FAM151A: variants seen among roughly 807,000 people sequenced by gnomAD.
FAM151A encodes protein FAM151A.
A neutral mutation model predicts 40.4 loss-of-function variants in FAM151A; 41 were observed. The ratio of observed to expected loss-of-function variants is 1.01; its 90% CI spans 0.79 to 1.32. FAM151A has a LOEUF of 1.32. Ranked by LOEUF, FAM151A falls within the 40% of genes most tolerant of loss-of-function variation. The pLI is 0.00. For missense variants in FAM151A, 740 were observed against 740.4 expected (o/e 1.00, Z 0.01); for synonymous variants, 337 against 312.5 (o/e 1.08, Z -0.83).
At position 54,609,470 on chromosome 1, in the gene FAM151A, T is replaced by A; in HGVS notation, c.1556A>T (p.His519Leu). Residue 519 changes from histidine (H) to leucine (L), a missense_variant, in exon 8 of 8, where the codon CAC becomes CTC. Transcript: ENST00000302250. ...CCTGCCTATGGCTCCAGCTGTGCTGTGGCCCAGCAGCATGGCCTGCATCTG... is the reference window on the plus strand; with the variant it reads ...CCTGCCTATGGCTCCAGCTGTGCTGAGGCCCAGCAGCATGGCCTGCATCTG... ...SFQMQAMLLG[H>L]STAGAIGRLL... 6.2e-7 allele frequency: 1 copy of A among 1,613,548 alleles called. No individual in the cohort carries two copies. Among genetic ancestry groups the A allele is most frequent in the Non-Finnish European group, 8.5e-7 (1 of 1,180,020 alleles).
chr1:54,618,902 C>T (rs77171949), intron 2 of FAM151A, among the ~76,000 whole-genome samples: 1,804 of 152,306 alleles, frequency 0.012, 11 homozygotes, highest in Middle Eastern at 0.024. Context: ...CCTGGTTAGG[C>T]ATTCACTAAG....
Position 54,620,003 on chromosome 1 carries a change from A to G in FAM151A, c.123T>C (p.Cys41=), listed in dbSNP as rs142765170. ...VLAITLRRPG[C]ELEACSPDAD... Reference sequence around the variant, plus strand: ...CATCAGGGCTGCAGGCCTCCAGCTCACAGCCTGGAAGGAATCCCAAGGGGC... The same window carrying G: ...CATCAGGGCTGCAGGCCTCCAGCTCGCAGCCTGGAAGGAATCCCAAGGGGC... Residue 41 remains cysteine (C), a synonymous_variant, in exon 2 of 8, where the codon TGT becomes TGC. Transcript: ENST00000302250. The G allele has an allele frequency of 8.6e-4, 1,382 of 1,610,650 alleles. 13 individuals carry two copies. In the African/African-American group the frequency reaches 0.016, roughly 19 times the overall value.
At chr1:54,622,090 A>G (rs1258840479) in intron 1 of FAM151A, among the ~76,000 whole-genome samples, 1 of 151,670 alleles carries the variant, frequency 6.6e-6, no homozygotes. Flanking sequence ...CCTGGCCAAC[A>G]TGGTGAAACC....
chr1:54,617,585 G>T (rs528265109), intron 2 of FAM151A, among the ~76,000 whole-genome samples: 3 of 151,132 alleles, frequency 2.0e-5, no homozygotes, highest in Admixed American at 6.6e-5. Flanking sequence ...TTCATCTCAC[G>T]TTCCACTCTC....
chr1:54,617,330 C>CT (rs1644183179), intron 2 of FAM151A, among the ~76,000 whole-genome samples: 1 of 152,060 alleles, frequency 6.6e-6, no homozygotes, highest in South Asian at 2.1e-4. Context: ...CAGAAGGGGC[C>CT]TTTTCTCCTG....
rs774030120 is a variant in FAM151A, at chr1:54,619,991, G to A, written c.135C>T (p.Ala45=). 7 of 1,613,468 alleles carry A rather than the reference G, an allele frequency of 4.3e-6. No homozygotes were observed. In the Admixed American group the frequency reaches 1.0e-4, roughly 23 times the overall value. The change falls in exon 2 of 8, where the codon GCC becomes GCT. Residue 45 remains alanine (A), a synonymous_variant. Coordinates refer to ENST00000302250, the MANE Select transcript of FAM151A (RefSeq NM_176782.3). ...TLRRPGCELE[A]CSPDADMLDY... ...CCAGCATGTCGGCATCAGGGCTGCA[G>A]GCCTCCAGCTCACAGCCTGGAAGGA...
intron 4 of FAM151A, 21 bp from the exon 5 acceptor site, chr1:54,612,731 T>C (rs1400578353): frequency 6.3e-7 from 1 of 1,599,908 alleles, no homozygotes; most frequent in Admixed American, 1.7e-5. Flanking sequence ...ATCAGAGATG[T>C]TGGTCTCACG....
chr1:54,610,275 CTGCCCCACCT>C (rs2101012994), intron 7 of FAM151A, 127 bp downstream of exon 7: 1 of 1,502,060 alleles, frequency 6.7e-7, no homozygotes, highest in Admixed American at 2.2e-5. Context: ...CCCCGCAACC[CTGCCCCACCT>C]TGCATCCAGG....
chr1:54,609,674 C>G lies in FAM151A; in HGVS notation c.1352G>C (p.Ser451Thr). 3 of 1,614,032 alleles carry G rather than the reference C, an allele frequency of 1.9e-6. No individual in the cohort carries two copies. The highest frequency in any genetic ancestry group is 2.5e-6 in the Non-Finnish European group (3 of 1,180,030). Residue 451 changes from serine (S) to threonine (T), a missense_variant, in exon 8 of 8, where the codon AGT becomes ACT. Physicochemically the swap from Ser to Thr is moderately conservative, Grantham distance 58. Transcript: ENST00000302250. Reference protein sequence around the residue: ...VWVGAKISHGSFSVPGHVAGR... With the variant: ...VWVGAKISHGTFSVPGHVAGR... ...AGCCACATGGCCGGGGACCGAAAAA[C>G]TCCCGTGGGAGATTTTGGCCCCAAC...
intron 4 of FAM151A, among the ~76,000 whole-genome samples, chr1:54,613,418 C>T (rs935743227): frequency 6.6e-6 from 1 of 150,384 alleles, no homozygotes; most frequent in Non-Finnish European, 1.5e-5. Context: ...CTGCTTTCCT[C>T]CCTCCTTCCC....
Position 54,612,628 on chromosome 1 carries a change from T to C in FAM151A, c.658A>G (p.Asn220Asp). 6.2e-7 allele frequency: 1 copy of C among 1,614,052 alleles called. No individual in the cohort carries two copies. The highest frequency in any genetic ancestry group is 8.5e-7 in the Non-Finnish European group (1 of 1,179,972). Residue 220 changes from asparagine to aspartate, a missense_variant, in exon 5 of 8, where the codon AAC becomes GAC. Asn to Asp is a conservative substitution (Grantham distance 23). Coordinates refer to ENST00000302250, the MANE Select transcript of FAM151A (RefSeq NM_176782.3). ...ACCATGGCTTGGGTGTACGTCCTGT[T>C]TGGGGACGTGGACATGTAGAAGGTG... is the stretch of plus-strand genomic sequence containing the variant. ...WTTFYMSTSP[N>D]RTYTQAMVEK...
At chr1:54,619,425 T>A (rs1557673709) in intron 2 of FAM151A, among the ~76,000 whole-genome samples, 1 of 152,160 alleles carries the variant, frequency 6.6e-6, no homozygotes, top group South Asian at 2.1e-4. Flanking sequence ...TCTATTTTTC[T>A]CCTGTGAAAT....
intron 4 of FAM151A, among the ~76,000 whole-genome samples, chr1:54,614,261 G>T (rs1443680070): frequency 1.3e-5 from 2 of 152,188 alleles, no homozygotes; most frequent in African/African-American, 4.8e-5. Flanking sequence ...TCCAGCTGGG[G>T]AAGGAATCAA....
chr1:54,612,842 A>G (rs1422620888), intron 4 of FAM151A, 132 bp from the exon 5 acceptor site: 4 of 666,600 alleles, frequency 6.0e-6, no homozygotes, highest in African/African-American at 3.6e-5. Context: ...AGAGTCCCAA[A>G]GGACAGAATG....
chr1:54,612,271 A>T (rs941054889), intron 5 of FAM151A, among the ~76,000 whole-genome samples: 8 of 151,754 alleles, frequency 5.3e-5, no homozygotes, highest in African/African-American at 1.9e-4. Context: ...CAGAGGGCAG[A>T]GAATTACCCA....
chr1:54,613,908 C>A (rs1334208894), intron 4 of FAM151A, among the ~76,000 whole-genome samples: 3 of 152,184 alleles, frequency 2.0e-5, no homozygotes, highest in African/African-American at 4.8e-5. Context: ...TGAATCTTTG[C>A]TCTGCCACTT....
chr1:54,612,419 G>GGAAGCTGTGGGGAGAC, intron 5 of FAM151A, 67 bp downstream of exon 5: 1 of 1,187,922 alleles, frequency 8.4e-7, no homozygotes, highest in Middle Eastern at 2.0e-4. Context: ...CCAGCCATGA[G>GGAAGCTGTGGGGAGAC]CTTCTGGGAT....
chr1:54,611,407 T>A (rs1477700754), intron 6 of FAM151A, among the ~76,000 whole-genome samples, 199 bp downstream of exon 6: 1 of 151,842 alleles, frequency 6.6e-6, no homozygotes, highest in Non-Finnish European at 1.5e-5. Context: ...CTCAAAAAAA[T>A]AAATAAATAA....
At chr1:54,616,491 G>A (rs1200157835) in intron 2 of FAM151A, among the ~76,000 whole-genome samples, 1 of 151,910 alleles carries the variant, frequency 6.6e-6, no homozygotes, top group African/African-American at 2.4e-5. Context: ...TCCTGCCTCA[G>A]CCTCCCAAGT....
Sources: allele counts gnomAD v4.1 joint callset (sites outside exome capture counted in the v4.1 genomes callset), GRCh38; gene constraint gnomAD v4.1.1; transcripts MANE v1.5; gene names NCBI Gene and HGNC (gene_info 2026-07-23, HGNC 2026-07-21).